Variants in ZDHHC13 observed in about 807,000 individuals in gnomAD.
ZDHHC13 encodes the protein palmitoyltransferase ZDHHC13.
Under a neutral mutation model 86.0 loss-of-function variants are expected in ZDHHC13, and 85 were observed. The observed-to-expected ratio is 0.99, with a 90% CI of 0.83 to 1.18. ZDHHC13 has a LOEUF of 1.18. ZDHHC13 is among the 50% of genes most tolerant of loss of function. The pLI is 0.00. For synonymous variants in ZDHHC13, 263 were observed against 246.4 expected (o/e 1.07, Z -0.63); for missense variants, 711 against 730.2 (o/e 0.97, Z 0.30).
In ZDHHC13 at chr11:19,129,871, T is replaced by TC. The variant is rs1414923141; in HGVS notation, c.27+12596dup. On this transcript the variant is annotated intron_variant, in intron 1 of 16. Transcript: ENST00000446113. Reference sequence around the variant, plus strand: ...ACTTTGGGAGGCCGAGGCGGGTGGATCATGAGGTCAGGAGATCGAGACCAT... The same window carrying TC: ...ACTTTGGGAGGCCGAGGCGGGTGGATCCATGAGGTCAGGAGATCGAGACCAT... 1.2e-4 allele frequency among the ~76,000 whole-genome samples: 18 copies of TC among 152,152 alleles called. No individual in the cohort carries two copies. In the East Asian group the frequency reaches 3.5e-3, roughly 29 times the overall value.
chr11:19,151,429 G>A (rs913964771), intron 6 of ZDHHC13, among the ~76,000 whole-genome samples: 7 of 151,630 alleles, frequency 4.6e-5, no homozygotes, highest in African/African-American at 1.7e-4. Context: ...CTTGTACTTA[G>A]GACTTCTAGG....
intron 1 of ZDHHC13, among the ~76,000 whole-genome samples, chr11:19,135,159 A>T (rs1210914894): frequency 2.6e-5 from 4 of 152,224 alleles, no homozygotes; most frequent in Non-Finnish European, 5.9e-5. Context: ...CATCTGAGGT[A>T]CCGGGTTCAT....
At chr11:19,159,069 T>TATC (rs1422853931) in intron 10 of ZDHHC13, 29 bp downstream of exon 10, 8 of 1,471,660 alleles carry the variant, frequency 5.4e-6, no homozygotes, top group Non-Finnish European at 4.6e-6. Flanking sequence ...TTTTGATGTG[T>TATC]ATCTCATTTT....
intron 1 of ZDHHC13, among the ~76,000 whole-genome samples, chr11:19,137,155 C>T (rs1218274803): frequency 6.6e-6 from 1 of 152,130 alleles, no homozygotes; most frequent in Admixed American, 6.5e-5. Context: ...CATCAGTGTG[C>T]TGTATTCAGG....
intron 14 of ZDHHC13, chr11:19,169,348 C>T: frequency 2.0e-6 from 2 of 985,404 alleles, no homozygotes; most frequent in Non-Finnish European, 1.2e-6. Context: ...GATTGCTACT[C>T]TGTGATGATT....
chr11:19,175,839 A>G lies in ZDHHC13; in HGVS notation c.1748A>G (p.Asn583Ser). Residue 583 changes from asparagine to serine, a missense_variant, in exon 17 of 17, where the codon AAC becomes AGC. Physicochemically the swap from Asn to Ser is conservative, Grantham distance 46. Coordinates refer to ENST00000446113, the MANE Select transcript of ZDHHC13 (RefSeq NM_019028.3). The part of the protein sequence containing the change: ...KTPYNLGFMQ[N>S]LADFFQCGCF... ...CTTGGCAGTCTTGGATTCATGCAGA[A>G]CCTGGCAGATTTCTTTCAGTGTGGC... 1.9e-6 allele frequency: 3 copies of G among 1,613,488 alleles called. No homozygotes were observed. Among genetic ancestry groups the G allele is most frequent in the Non-Finnish European group, 2.5e-6 (3 of 1,179,744 alleles).
intron 1 of ZDHHC13, among the ~76,000 whole-genome samples, chr11:19,119,508 T>C (rs1848716650): frequency 6.6e-6 from 1 of 152,348 alleles, no homozygotes; most frequent in East Asian, 1.9e-4. Flanking sequence ...GTGTGCCCAC[T>C]TGGCTTATTC....
Position 19,170,542 on chromosome 11 carries a change from T to C in ZDHHC13, c.1606T>C (p.Phe536Leu). The C allele has an allele frequency of 1.3e-6, 2 of 1,528,234 alleles. No homozygotes were observed. Among genetic ancestry groups the C allele is most frequent in the Non-Finnish European group, 1.8e-6 (2 of 1,141,558 alleles). The allele number at this position is 1,528,234 out of a possible 1,614,324, so 94.7% of individuals were successfully genotyped here. Residue 536 changes from phenylalanine (F) to leucine (L), a missense_variant, in exon 15 of 17, where the codon TTT becomes CTT. Phe to Leu is a conservative substitution (Grantham distance 22). Coordinates refer to ENST00000446113, the MANE Select transcript of ZDHHC13 (RefSeq NM_019028.3). ...LATFHFSWST[F>L]LLLNQLFQIA... Reference sequence around the variant, plus strand: ...AACTTTCCATTTCTCATGGTCAACATTTTTATTATTAAATCAACTCTTTCA... The same window carrying C: ...AACTTTCCATTTCTCATGGTCAACACTTTTATTATTAAATCAACTCTTTCA...
At chr11:19,172,841 A>G (rs1259998267) in intron 16 of ZDHHC13, 21 bp downstream of exon 16, 3 of 1,572,890 alleles carry the variant, frequency 1.9e-6, no homozygotes, top group East Asian at 2.3e-5. Context: ...CCTGTTTTGG[A>G]TGCTGAGTCC....
chr11:19,157,075 T>G (rs1849775897), intron 9 of ZDHHC13, among the ~76,000 whole-genome samples: 1 of 152,234 alleles, frequency 6.6e-6, no homozygotes, highest in Non-Finnish European at 1.5e-5. Flanking sequence ...TTGTCTGAAG[T>G]GTTGTGACAC....
intron 1 of ZDHHC13, among the ~76,000 whole-genome samples, chr11:19,141,071 A>AT (rs1849306210): frequency 1.3e-5 from 2 of 151,742 alleles, no homozygotes; most frequent in Admixed American, 6.6e-5. Context: ...TAGTATAATA[A>AT]TAAAAAAAAA....
intron 1 of ZDHHC13, among the ~76,000 whole-genome samples, chr11:19,130,744 T>A (rs940550832): frequency 2.0e-5 from 3 of 152,232 alleles, no homozygotes; most frequent in Non-Finnish European, 4.4e-5. Flanking sequence ...AAAACTGTTG[T>A]GCTGTTGCTT....
chr11:19,170,363 G>A, intron 14 of ZDHHC13, 48 bp from the exon 15 acceptor site: 1 of 1,359,498 alleles, frequency 7.4e-7, no homozygotes, highest in East Asian at 3.0e-5. Flanking sequence ...AGACTGATAA[G>A]TAGTTTATTG....
rs539840076 is a variant in ZDHHC13 at position 19,135,828 on chromosome 11, G to T, written c.28-7150G>T. Among the ~76,000 whole-genome samples, 38 of 152,310 alleles carry T rather than the reference G, an allele frequency of 2.5e-4. No homozygotes were observed. In the East Asian group the frequency reaches 7.1e-3, roughly 29 times the overall value. On this transcript the variant is annotated intron_variant, in intron 1 of 16. Transcript: ENST00000446113. ...GCAGGGGTAGACTGACACCTCACAT[G>T]GCCGGGTACTCCAACAGACCTGCAG...
chr11:19,132,394 G>A (rs561795756), intron 1 of ZDHHC13, among the ~76,000 whole-genome samples: 51 of 152,232 alleles, frequency 3.4e-4, no homozygotes, highest in Non-Finnish European at 6.2e-4. Flanking sequence ...AAGAGTCTCC[G>A]CTTTGGCTGA....
intron 1 of ZDHHC13, among the ~76,000 whole-genome samples, chr11:19,141,675 C>CT (rs34963467): frequency 0.14 from 19,209 of 140,312 alleles, 1,657 homozygotes; most frequent in African/African-American, 0.24. Context: ...TTTTTGTGGG[C>CT]TTTTTTTTTT....
intron 1 of ZDHHC13, among the ~76,000 whole-genome samples, chr11:19,136,153 G>A (rs991840742): frequency 6.6e-6 from 1 of 152,068 alleles, no homozygotes; most frequent in Admixed American, 6.6e-5. Context: ...CAAACCAAAG[G>A]CAAAGAAGTT....
At chr11:19,129,993 CAGG>C (rs1362803446) in intron 1 of ZDHHC13, among the ~76,000 whole-genome samples, 1 of 151,940 alleles carries the variant, frequency 6.6e-6, no homozygotes, top group Non-Finnish European at 1.5e-5. Flanking sequence ...GAGGCTGAGG[CAGG>C]AGAAGGGTGT....
intron 2 of ZDHHC13, among the ~76,000 whole-genome samples, chr11:19,144,123 C>T (rs1480032316): frequency 2.0e-5 from 3 of 152,058 alleles, no homozygotes; most frequent in Non-Finnish European, 4.4e-5. Flanking sequence ...TTTATATTAA[C>T]TCTAGAGGCC....
Sources: allele counts gnomAD v4.1 joint callset (sites outside exome capture counted in the v4.1 genomes callset), GRCh38; gene constraint gnomAD v4.1.1; transcripts MANE v1.5; gene names NCBI Gene and HGNC (gene_info 2026-07-23, HGNC 2026-07-21).